CKAP5: variants seen among roughly 807,000 people sequenced by gnomAD.
CKAP5 encodes the protein cytoskeleton-associated protein 5.
In CKAP5, 27 loss-of-function variants were observed where a neutral mutation model predicts 232.8. The observed-to-expected ratio is 0.12, with a 90% CI of 0.09 to 0.16. The LOEUF is 0.16. Among genes scored for constraint, CKAP5 ranks in the 10% least tolerant of loss-of-function variants. The pLI is 1.00. For missense variants in CKAP5, 1,838 were observed against 2,424.7 expected (o/e 0.76, Z 5.08); for synonymous variants, 785 against 841.1 (o/e 0.93, Z 1.16).
At chr11:46,798,662 A>G (rs374478705) in intron 9 of CKAP5, among the ~76,000 whole-genome samples, 1 of 152,060 alleles carries the variant, frequency 6.6e-6, no homozygotes, top group South Asian at 2.1e-4. Context: ...GAGACAAAAA[A>G]GTAGATTAGT....
chr11:46,751,012 C>T, intron 40 of CKAP5, 106 bp downstream of exon 40: 8 of 1,356,626 alleles, frequency 5.9e-6, no homozygotes, highest in Admixed American at 1.9e-5. Context: ...GTCCATGAGC[C>T]TTCACCTTGG....
intron 9 of CKAP5, among the ~76,000 whole-genome samples, chr11:46,798,954 G>A (rs754897832): frequency 6.6e-5 from 10 of 152,168 alleles, no homozygotes; most frequent in Non-Finnish European, 1.2e-4. Flanking sequence ...GAAGGACATC[G>A]TATCTTATGC....
At chr11:46,773,868 C>A (rs2065270105) in intron 24 of CKAP5, among the ~76,000 whole-genome samples, 3 of 151,994 alleles carry the variant, frequency 2.0e-5, no homozygotes, top group Admixed American at 6.6e-5. Context: ...TGATTAAAAC[C>A]TCTGATTTTA....
intron 8 of CKAP5, among the ~76,000 whole-genome samples, chr11:46,803,288 T>C (rs1384321161): frequency 6.6e-6 from 1 of 151,568 alleles, no homozygotes; most frequent in Non-Finnish European, 1.5e-5. Context: ...AACAAAAAAG[T>C]GCAGACTTCA....
chr11:46,784,362 C>CA (rs1477524092), intron 17 of CKAP5, 126 bp downstream of exon 17: 40 of 762,144 alleles, frequency 5.2e-5, no homozygotes, highest in Admixed American at 2.7e-4. Context: ...AACTCCATCT[C>CA]AAAAAAAATG....
In CKAP5 at chr11:46,753,381, T is replaced by G. The variant is rs774597459; in HGVS notation, c.4986A>C (p.Gln1662His). The part of the protein sequence containing the change: ...DSRIEDLEEG[Q>H]QVIRSVNLLV... Reference sequence around the variant, plus strand: ...AGAGGTTCACAGAGCGGATGACCTGTTGTCCTTCCTCAAGATCTTCAATCC... The same window carrying G: ...AGAGGTTCACAGAGCGGATGACCTGGTGTCCTTCCTCAAGATCTTCAATCC... Residue 1662 changes from glutamine (Q) to histidine (H), a missense_variant, in exon 37 of 44, where the codon CAA (glutamine) becomes CAC (histidine). Gln to His is a conservative substitution (Grantham distance 24). Transcript: ENST00000529230. 5.0e-6 allele frequency: 8 copies of G among 1,613,876 alleles called. No homozygotes were observed. The highest frequency in any genetic ancestry group is 6.8e-6 in the Non-Finnish European group (8 of 1,179,994).
At chr11:46,794,919 T>C (rs567393542) in intron 13 of CKAP5, among the ~76,000 whole-genome samples, 1 of 152,250 alleles carries the variant, frequency 6.6e-6, no homozygotes, top group African/African-American at 2.4e-5. Context: ...AATGGGAGGA[T>C]AGTTAATTGA....
At chr11:46,835,976 A>C (rs898999957) in intron 1 of CKAP5, among the ~76,000 whole-genome samples, 1 of 152,248 alleles carries the variant, frequency 6.6e-6, no homozygotes, top group African/African-American at 2.4e-5. Context: ...AAAAACACGT[A>C]ATTCTTGACT....
chr11:46,795,564 C>T, intron 13 of CKAP5, 30 bp downstream of exon 13: 1 of 1,573,662 alleles, frequency 6.4e-7, no homozygotes, highest in Middle Eastern at 1.7e-4. Flanking sequence ...CCCTTCCTTA[C>T]TAACTTCTAT....
rs1939282697 is a variant in CKAP5 at position 46,811,932 on chromosome 11, T to C, written c.459-754A>G. ...CTAGATAGATCACAAATCTTGGCAA[T>C]ATTTTGTTCCTGACTTTGTGGCTAT... On this transcript the variant is annotated intron_variant, in intron 4 of 43. Coordinates refer to ENST00000529230, the MANE Select transcript of CKAP5 (RefSeq NM_001008938.4). Among the ~76,000 whole-genome samples the C allele has an allele frequency of 3.3e-5, 5 of 152,232 alleles. No individual in the cohort carries two copies. The South Asian group carries it at 1.0e-3, about 31-fold the overall frequency.
At chr11:46,805,336 C>A (rs1939129181) in intron 8 of CKAP5, among the ~76,000 whole-genome samples, 1 of 152,040 alleles carries the variant, frequency 6.6e-6, no homozygotes, top group Admixed American at 6.6e-5. Flanking sequence ...CAACTCAAAA[C>A]AGTTTAAAAA....
At chr11:46,780,122 T>A in intron 20 of CKAP5, 72 bp downstream of exon 20, 1 of 1,542,554 alleles carries the variant, frequency 6.5e-7, no homozygotes, top group Non-Finnish European at 8.9e-7. Context: ...CGTGCACCAC[T>A]ACACCCAACA....
chr11:46,750,175 T>C (rs2065052524), intron 42 of CKAP5, 99 bp downstream of exon 42: 1 of 1,192,650 alleles, frequency 8.4e-7, no homozygotes, highest in Non-Finnish European at 1.2e-6. Flanking sequence ...CATTAAGTAT[T>C]GAGGTTCATG....
rs1344566711 is a variant in CKAP5 at position 46,829,848 on chromosome 11, G to A, written c.-37-8580C>T. On this transcript the variant is annotated intron_variant, in intron 1 of 43. Coordinates refer to ENST00000529230, the MANE Select transcript of CKAP5 (RefSeq NM_001008938.4). ...TAATTCCTTTTTTGTATGTGTGTGT[G>A]TGTGTGTGTGTGTGTGTGTGTGTGT... Among the ~76,000 whole-genome samples the A allele has an allele frequency of 3.1e-4, 11 of 34,990 alleles. No homozygotes were observed. In the South Asian group the frequency reaches 0.01, roughly 33 times the overall value. The allele number at this position is 34,990 out of a possible 152,430, so 23.0% of individuals were successfully genotyped here.
At chr11:46,762,463 C>T (rs2065163472) in intron 31 of CKAP5, 164 bp downstream of exon 31, 2 of 956,406 alleles carry the variant, frequency 2.1e-6, no homozygotes, top group African/African-American at 1.6e-5. Context: ...TCACCTGATA[C>T]CATGGCTCCA....
At chr11:46,780,007 C>A (rs942039723) in intron 20 of CKAP5, among the ~76,000 whole-genome samples, 187 bp downstream of exon 20, 1 of 152,104 alleles carries the variant, frequency 6.6e-6, no homozygotes, top group African/African-American at 2.4e-5. Flanking sequence ...AATACTAATG[C>A]TGAACTTAGT....
At chr11:46,760,575 T>G in intron 33 of CKAP5, 37 bp downstream of exon 33, 11 of 1,603,090 alleles carry the variant, frequency 6.9e-6, no homozygotes, top group Non-Finnish European at 8.5e-6. Context: ...GCAAAGGCCA[T>G]GGAGATGCTC....
At position 46,760,675 on chromosome 11, in the gene CKAP5, T is replaced by C; in HGVS notation, c.4331A>G (p.Asn1444Ser). ...TAACATGTTGGCATTGGAGCTTATG[T>C]TCTGTGCACGCTGAGGTTTCTCTTC... The part of the protein sequence containing the change: ...QVEEKPQRAQ[N>S]ISSNANMLRK... Residue 1444 changes from asparagine to serine, a missense_variant, in exon 33 of 44, where the codon AAC becomes AGC. Physicochemically the swap from Asn to Ser is conservative, Grantham distance 46 (BLOSUM62 1). This residue lies in a region of CKAP5 where 579 missense variants were observed against 843.2 expected (regional missense o/e 0.69). Transcript: ENST00000529230. The C allele has an allele frequency of 1.2e-6, 2 of 1,614,218 alleles. No individual in the cohort carries two copies. The highest frequency in any genetic ancestry group is 1.7e-6 in the Non-Finnish European group (2 of 1,180,038).
chr11:46,843,564 C>T (rs983776612), intron 1 of CKAP5, among the ~76,000 whole-genome samples: 4 of 151,788 alleles, frequency 2.6e-5, no homozygotes, highest in Non-Finnish European at 5.9e-5. Flanking sequence ...AACCCCATCG[C>T]TACAAAAACT....
Sources: gnomAD v4.1 joint callset for allele counts (sites outside exome capture counted in the v4.1 genomes callset) on GRCh38, gnomAD v4.1.1 for gene constraint, gnomAD v4.1.1 regional missense constraint, MANE v1.5 for transcripts, NCBI Gene and HGNC (gene_info 2026-07-23, HGNC 2026-07-21) for gene names.